SLAIN1: variants seen among roughly 807,000 people sequenced by gnomAD.
SLAIN1 encodes the protein SLAIN motif-containing protein 1.
Under a neutral mutation model 55.4 loss-of-function variants are expected in SLAIN1, and 17 were observed. That is an observed-to-expected ratio of 0.31 (90% CI 0.21 to 0.46). The LOEUF is 0.46. Ranked by LOEUF, SLAIN1 falls within the 20% of genes least tolerant of loss-of-function variation. The pLI is 1.00. For synonymous variants in SLAIN1, 348 were observed against 337.4 expected, an observed-to-expected ratio of 1.03 and a Z score of -0.35; for missense variants, 682 against 785.1, an observed-to-expected ratio of 0.87 and a Z score of 1.57.
At chr13:77,728,968 G>A (rs770508117) in intron 2 of SLAIN1, among the ~76,000 whole-genome samples, 1 of 152,164 alleles carries the variant, frequency 6.6e-6, no homozygotes, top group Admixed American at 6.6e-5. Flanking sequence ...AATCATATTG[G>A]AATTTTTGTG....
At position 77,744,199 on chromosome 13, in the gene SLAIN1, GCTGA is replaced by G. The variant is rs1427988231; in HGVS notation, c.767-80_767-77del. On this transcript the variant is annotated intron_variant, in intron 2 of 6. Coordinates refer to ENST00000418532, the MANE Select transcript of SLAIN1 (RefSeq NM_001242868.2). ...GTAACATGAAAACATGAGACAAATT[GCTGA>G]CTGTTTATATATGAATTGTGAAGCA... is the stretch of plus-strand genomic sequence containing the variant. 4.0e-6 allele frequency: 4 copies of G among 1,012,270 alleles called. No homozygotes were observed. In the East Asian group the frequency reaches 7.2e-5, roughly 18 times the overall value. 62.7% of individuals were successfully genotyped at this position (1,012,270 alleles called of 1,614,324 possible).
chr13:77,699,008 C>G, intron 1 of SLAIN1: 2 of 1,535,180 alleles, frequency 1.3e-6, no homozygotes, highest in Non-Finnish European at 1.7e-6. Flanking sequence ...GCTCTTCCTC[C>G]TCGGGTGGCA....
chr13:77,708,845 ATGCCTC>A (rs1219250302), intron 1 of SLAIN1, among the ~76,000 whole-genome samples: 1 of 152,106 alleles, frequency 6.6e-6, no homozygotes, highest in Non-Finnish European at 1.5e-5. Context: ...AAAAACCAGA[ATGCCTC>A]TTCTCCTCCA....
intron 2 of SLAIN1, among the ~76,000 whole-genome samples, chr13:77,728,884 A>G (rs2091331723): frequency 6.6e-6 from 1 of 152,186 alleles, no homozygotes; most frequent in African/African-American, 2.4e-5. Flanking sequence ...ACACAAAATT[A>G]AAACTTAGTC....
chr13:77,760,739 G>A, intron 5 of SLAIN1, 89 bp from the exon 6 acceptor site: 2 of 1,380,924 alleles, frequency 1.4e-6, no homozygotes, highest in Admixed American at 3.5e-5. Context: ...GTACTCTCAG[G>A]CATAATGGAC....
Position 77,719,581 on chromosome 13 carries a change from A to T in SLAIN1, c.676A>T (p.Thr226Ser), listed in dbSNP as rs897032903. The T allele has an allele frequency of 4.3e-6, 7 of 1,613,268 alleles. No homozygotes were observed. Among genetic ancestry groups the T allele is most frequent in the Non-Finnish European group, 5.9e-6 (7 of 1,179,510 alleles). The change falls in exon 2 of 7, where the codon ACT becomes TCT. Residue 226 changes from threonine (T) to serine (S), a missense_variant. Transcript: ENST00000418532. The stretch of plus-strand genomic sequence containing the variant: ...GTTCACCTCATCAGAGAAATCCCTG[A>T]CTCCTTTGCAGTGGTGTAGACATGT... ...KTFTSSEKSL[T>S]PLQWCRHVLD... is the part of the protein sequence containing the mutation.
Position 77,763,443 on chromosome 13 carries a change from G to T in SLAIN1, c.*223G>T, listed in dbSNP as rs529530693. 8.8e-5 allele frequency: 47 copies of T among 534,036 alleles called. No individual in the cohort carries two copies. The highest frequency in any genetic ancestry group is 1.3e-4 in the Non-Finnish European group (39 of 301,092). The allele number at this position is 534,036 out of a possible 1,614,324, so 33.1% of individuals were successfully genotyped here. A position where few individuals can be genotyped will look rare whatever the true frequency, so the allele number is the denominator to read the frequency against. ...CTCAAACCCATGGTTGCAGTATTGT[G>T]ACACTTAGATCTAGGAAGTTTTTGT... is the stretch of plus-strand genomic sequence containing the variant. On this transcript the variant is annotated 3_prime_UTR_variant, in exon 7 of 7. Transcript: ENST00000418532.
chr13:77,698,750 C>T lies in SLAIN1; in HGVS notation c.626+211C>T. ...TGAAGGCAGAAACCTGTTTTCTAAT[C>T]GCTCCGACTGCGGATGAACCGGCCC... On this transcript the variant is annotated intron_variant, in intron 1 of 6. Coordinates refer to ENST00000418532, the MANE Select transcript of SLAIN1 (RefSeq NM_001242868.2). This position sits in a 1 kb window ranked among gnomAD's most constrained non-coding sequence, Gnocchi z 4.1. 1 of 1,121,884 alleles carries T rather than the reference C, an allele frequency of 8.9e-7. No individual in the cohort carries two copies. The highest frequency in any genetic ancestry group is 1.2e-6 in the Non-Finnish European group (1 of 827,774). The allele number at this position is 1,121,884 out of a possible 1,614,324, so 69.5% of individuals were successfully genotyped here. A position where few individuals can be genotyped will look rare whatever the true frequency, so the allele number is the denominator to read the frequency against.
At position 77,697,897 on chromosome 13, in the gene SLAIN1, C is replaced by A. The variant is rs980558116; in HGVS notation, c.-17C>A. The A allele has an allele frequency of 1.5e-6, 2 of 1,345,890 alleles. No individual in the cohort carries two copies. Among genetic ancestry groups the A allele is most frequent in the South Asian group, 1.6e-5 (1 of 63,338 alleles). The allele number at this position is 1,345,890 out of a possible 1,614,324, so 83.4% of individuals were successfully genotyped here. ...GGCGCGCACTCCCCGGCGGCCGCGG[C>A]GCCCTCGGGGCCCACGATGATGGCG... On this transcript the variant is annotated 5_prime_UTR_variant, in exon 1 of 7. Coordinates refer to ENST00000418532, the MANE Select transcript of SLAIN1 (RefSeq NM_001242868.2).
At chr13:77,716,032 T>C (rs756205299) in intron 1 of SLAIN1, among the ~76,000 whole-genome samples, 2 of 152,122 alleles carry the variant, frequency 1.3e-5, no homozygotes, top group Non-Finnish European at 2.9e-5. Flanking sequence ...TGGTTTCTTA[T>C]AAAAGTGTTA....
intron 1 of SLAIN1, among the ~76,000 whole-genome samples, chr13:77,709,750 G>A (rs1399734417): frequency 1.3e-5 from 2 of 152,042 alleles, no homozygotes; most frequent in Non-Finnish European, 1.5e-5. Context: ...AGCTCCTGAA[G>A]GAAGCACTAA....
At chr13:77,732,659 A>G (rs1320845030) in intron 2 of SLAIN1, among the ~76,000 whole-genome samples, 1 of 152,134 alleles carries the variant, frequency 6.6e-6, no homozygotes, top group Non-Finnish European at 1.5e-5. Flanking sequence ...TTTGAAGTGT[A>G]ATTACTACTA....
intron 3 of SLAIN1, among the ~76,000 whole-genome samples, chr13:77,745,138 A>G (rs1446068350): frequency 6.6e-6 from 1 of 151,922 alleles, no homozygotes; most frequent in Non-Finnish European, 1.5e-5. Context: ...GCAACACAGG[A>G]TTTTTGCAGT....
At chr13:77,732,086 TC>T (rs1872902143) in intron 2 of SLAIN1, among the ~76,000 whole-genome samples, 1 of 152,118 alleles carries the variant, frequency 6.6e-6, no homozygotes, top group African/African-American at 2.4e-5. Context: ...TTACTTTCTA[TC>T]GTCTCTTAAG....
intron 2 of SLAIN1, chr13:77,741,163 AT>A: frequency 1.0e-6 from 1 of 985,340 alleles, no homozygotes; most frequent in Non-Finnish European, 1.2e-6. Context: ...AGTTACTGTA[AT>A]TTGCCTGGCA....
intron 3 of SLAIN1, 99 bp downstream of exon 3, chr13:77,744,531 A>G (rs775226172): frequency 6.4e-7 from 1 of 1,573,818 alleles, no homozygotes; most frequent in African/African-American, 1.4e-5. Context: ...TGGGCAAATA[A>G]TTAGATTCTT....
intron 2 of SLAIN1, among the ~76,000 whole-genome samples, chr13:77,729,182 T>A (rs1300942463): frequency 6.6e-6 from 1 of 152,186 alleles, no homozygotes; most frequent in East Asian, 1.9e-4. Context: ...AATTTGCAGT[T>A]TCAGTCCATT....
chr13:77,757,486 A>G (rs530765392), intron 5 of SLAIN1, among the ~76,000 whole-genome samples: 76 of 151,072 alleles, frequency 5.0e-4, no homozygotes, highest in African/African-American at 1.7e-3. Context: ...TTTTGGTTAC[A>G]TGGATAAGTT....
chr13:77,735,521 C>T (rs1435071288), intron 2 of SLAIN1, among the ~76,000 whole-genome samples: 4 of 151,882 alleles, frequency 2.6e-5, no homozygotes, highest in Admixed American at 1.3e-4. Context: ...TTCTGTATGG[C>T]CTAAGAGCAT....
Sources: gnomAD v4.1 joint callset for allele counts (sites outside exome capture counted in the v4.1 genomes callset) on GRCh38, gnomAD v4.1.1 for gene constraint, Gnocchi (gnomAD v3.1) non-coding constraint, MANE v1.5 for transcripts, NCBI Gene and HGNC (gene_info 2026-07-23, HGNC 2026-07-21) for gene names.